Variants in TNFAIP8 observed in about 807,000 individuals in gnomAD.
TNFAIP8 encodes TNF alpha induced protein 8.
In TNFAIP8, 7 loss-of-function variants were observed where a neutral mutation model predicts 13.3. The observed-to-expected ratio is 0.52, with a 90% CI of 0.30 to 0.99. TNFAIP8 has a LOEUF of 0.99. Ranked by LOEUF, TNFAIP8 falls within the 50% of genes least tolerant of loss-of-function variation. TNFAIP8 has a pLI of 0.07. For synonymous variants in TNFAIP8, 94 were observed against 87.6 expected (o/e 1.07, Z -0.41); for missense variants, 258 against 236.9 (o/e 1.09, Z -0.58).
In TNFAIP8 at chr5:119,393,775, A is replaced by G. The variant is rs541425626; in HGVS notation, c.*394A>G. On this transcript the variant is annotated 3_prime_UTR_variant, in exon 2 of 2. Coordinates refer to ENST00000504771, the MANE Select transcript of TNFAIP8 (RefSeq NM_014350.4). ...GATTTACTTTCATTTCTTGCTATGTATATGTACTTTTCTTAAAATGCCAAG... is the reference window on the plus strand; with the variant it reads ...GATTTACTTTCATTTCTTGCTATGTGTATGTACTTTTCTTAAAATGCCAAG... 18 of 165,176 alleles carry G rather than the reference A, an allele frequency of 1.1e-4. No individual in the cohort carries two copies. Among genetic ancestry groups the G allele is most frequent in the African/African-American group, 4.3e-4 (18 of 41,796 alleles). The allele number at this position is 165,176 out of a possible 1,614,324, so 10.2% of individuals were successfully genotyped here.
At chr5:119,361,437 T>A (rs770494211) in intron 1 of TNFAIP8, among the ~76,000 whole-genome samples, 4 of 152,176 alleles carry the variant, frequency 2.6e-5, no homozygotes, top group Non-Finnish European at 4.4e-5. Flanking sequence ...GGTATTTATA[T>A]GGTTTTGAAG....
intron 1 of TNFAIP8, among the ~76,000 whole-genome samples, chr5:119,338,165 G>GACACACACACACACACACACACAC (rs367789572): frequency 1.6e-5 from 2 of 125,166 alleles, no homozygotes; most frequent in East Asian, 2.5e-4. Context: ...CTGGAACTTT[G>GACACACACACACACACACACACAC]ACACACACAC....
chr5:119,372,200 C>T (rs1752103805), intron 1 of TNFAIP8, among the ~76,000 whole-genome samples: 1 of 150,632 alleles, frequency 6.6e-6, no homozygotes, highest in Admixed American at 6.6e-5. Context: ...TGTGGTGGCA[C>T]ACCTGTAGTA....
chr5:119,320,220 T>C (rs532575070), intron 1 of TNFAIP8, among the ~76,000 whole-genome samples: 8 of 152,136 alleles, frequency 5.3e-5, no homozygotes, highest in Non-Finnish European at 5.9e-5. Context: ...AAAATGAAGA[T>C]ACATCTGGCA....
chr5:119,310,136 AGCTACATTGAG>A (rs892050659), intron 1 of TNFAIP8, among the ~76,000 whole-genome samples: 2 of 152,176 alleles, frequency 1.3e-5, no homozygotes, highest in Non-Finnish European at 1.5e-5. Context: ...TGTGGAAATC[AGCTACATTGAG>A]GCTAATTGTA....
chr5:119,359,033 G>A (rs888775883), intron 1 of TNFAIP8, among the ~76,000 whole-genome samples: 17 of 152,104 alleles, frequency 1.1e-4, no homozygotes, highest in African/African-American at 2.7e-4. Context: ...GAAAACAGTA[G>A]CCATTAGATA....
chr5:119,378,052 T>C (rs772859114), intron 1 of TNFAIP8, among the ~76,000 whole-genome samples: 1 of 152,208 alleles, frequency 6.6e-6, no homozygotes, highest in Non-Finnish European at 1.5e-5. Flanking sequence ...TGGTCAGATC[T>C]GATTGTTCAA....
chr5:119,365,964 C>T (rs546694630), intron 1 of TNFAIP8, among the ~76,000 whole-genome samples: 1 of 151,906 alleles, frequency 6.6e-6, no homozygotes, highest in South Asian at 2.1e-4. Flanking sequence ...AAGGGAGTGG[C>T]AGTTTGGCAG....
At chr5:119,284,364 T>C (rs940308162) in intron 1 of TNFAIP8, among the ~76,000 whole-genome samples, 2 of 151,402 alleles carry the variant, frequency 1.3e-5, no homozygotes, top group African/African-American at 4.9e-5. Flanking sequence ...AAAAAAAAAA[T>C]CTTTTGAACA....
In TNFAIP8 at chr5:119,279,621, A is replaced by G. The variant is rs555236629; in HGVS notation, c.1+10714A>G. Among the ~76,000 whole-genome samples, 95 of 152,148 alleles carry G rather than the reference A, an allele frequency of 6.2e-4. 2 individuals are homozygous for G. Among genetic ancestry groups the G allele is most frequent in the Non-Finnish European group, 1.2e-3 (79 of 67,994 alleles). ...GGTCTTGCTCTGTTGCCCAGGCTGGAGTGCAATGGCTATTCACAGGCACAA... is the reference window on the plus strand; with the variant it reads ...GGTCTTGCTCTGTTGCCCAGGCTGGGGTGCAATGGCTATTCACAGGCACAA... On this transcript the variant is annotated intron_variant, in intron 1 of 1. Coordinates refer to the TNFAIP8 transcript ENST00000274456.
intron 1 of TNFAIP8, among the ~76,000 whole-genome samples, chr5:119,294,460 G>A (rs1350850705): frequency 2.0e-5 from 3 of 152,070 alleles, no homozygotes; most frequent in African/African-American, 7.2e-5. Flanking sequence ...TGGACATTTG[G>A]GTTGGTTCCA....
At chr5:119,298,727 G>A (rs1251723316) in intron 1 of TNFAIP8, among the ~76,000 whole-genome samples, 3 of 152,096 alleles carry the variant, frequency 2.0e-5, no homozygotes, top group South Asian at 2.1e-4. Flanking sequence ...CATTCTCCCC[G>A]TCACTTTCAG....
intron 1 of TNFAIP8, among the ~76,000 whole-genome samples, chr5:119,389,603 C>G (rs1484871278): frequency 6.6e-6 from 1 of 152,174 alleles, no homozygotes; most frequent in Non-Finnish European, 1.5e-5. Context: ...GCCAGCGACT[C>G]TCAGCCACAA....
chr5:119,367,741 A>G (rs1751914231), intron 1 of TNFAIP8, among the ~76,000 whole-genome samples: 4 of 152,216 alleles, frequency 2.6e-5, no homozygotes, highest in Non-Finnish European at 4.4e-5. Flanking sequence ...CCAGGCTTAA[A>G]AATAAAGCGG....
chr5:119,392,002 A>G (rs1752911916), intron 1 of TNFAIP8, among the ~76,000 whole-genome samples: 1 of 152,212 alleles, frequency 6.6e-6, no homozygotes, highest in East Asian at 1.9e-4. Flanking sequence ...AGCTTTTTCA[A>G]AGTATATTTT....
intron 1 of TNFAIP8, chr5:119,391,513 A>C: frequency 1.5e-6 from 1 of 680,988 alleles, no homozygotes; most frequent in East Asian, 2.8e-5. Context: ...TAATCCCAGC[A>C]CTTTGGGAGG....
In TNFAIP8 at chr5:119,396,083, G is replaced by C. The variant is rs938294127; in HGVS notation, c.*2702G>C. On this transcript the variant is annotated 3_prime_UTR_variant, in exon 2 of 2. Coordinates refer to ENST00000504771, the MANE Select transcript of TNFAIP8 (RefSeq NM_014350.4). ...TATAGATAAGGAAACTAGGGGAATA[G>C]AAGTTAAGGAATTTCCTGAGGTCAC... 4 of 152,184 alleles carry C rather than the reference G, an allele frequency of 2.6e-5. No homozygotes were observed. Among genetic ancestry groups the C allele is most frequent in the African/African-American group, 4.8e-5 (2 of 41,442 alleles). The allele number at this position is 152,184 out of a possible 1,614,324, so 9.4% of individuals were successfully genotyped here.
At position 119,397,404 on chromosome 5, in the gene TNFAIP8, G is replaced by A. The variant is rs916904036; in HGVS notation, c.*4023G>A. The A allele has an allele frequency of 2.0e-5, 3 of 152,108 alleles. No individual in the cohort carries two copies. Among genetic ancestry groups the A allele is most frequent in the African/African-American group, 7.2e-5 (3 of 41,422 alleles). The allele number at this position is 152,108 out of a possible 1,614,324, so 9.4% of individuals were successfully genotyped here. On this transcript the variant is annotated 3_prime_UTR_variant, in exon 2 of 2. Transcript: ENST00000504771. ...TACTCCAGTAAAATGAATTAAATTA[G>A]CATGTTAATAAGAGTGATAATATTT...
At chr5:119,286,875 G>C (rs1323088963) in intron 1 of TNFAIP8, among the ~76,000 whole-genome samples, 1 of 152,160 alleles carries the variant, frequency 6.6e-6, no homozygotes, top group African/African-American at 2.4e-5. Context: ...ACAGAGCCCA[G>C]AGGACAATAT....
Sources: allele counts gnomAD v4.1 joint callset (sites outside exome capture counted in the v4.1 genomes callset), GRCh38; gene constraint gnomAD v4.1.1; transcripts MANE v1.5; gene names NCBI Gene and HGNC (gene_info 2026-07-23, HGNC 2026-07-21).